The following ATP10B variants were observed in gnomAD, a reference collection of about 807,000 sequenced individuals.
The protein encoded by ATP10B is ATPase phospholipid transporting 10B (putative).
Under a neutral mutation model 141.2 loss-of-function variants are expected in ATP10B, and 122 were observed. The ratio of observed to expected loss-of-function variants is 0.86; its 90% CI spans 0.75 to 1.00. ATP10B has a LOEUF of 1.00. Ranked by LOEUF, ATP10B falls within the 50% of genes least tolerant of loss-of-function variation. ATP10B has a pLI of 0.00. For missense variants in ATP10B, 1,876 were observed against 1,825.3 expected (o/e 1.03, Z -0.51); for synonymous variants, 685 against 692.0 (o/e 0.99, Z 0.16).
At chr5:160,627,893 C>T (rs775817948) in intron 13 of ATP10B, among the ~76,000 whole-genome samples, 2 of 152,190 alleles carry the variant, frequency 1.3e-5, no homozygotes, top group African/African-American at 4.8e-5. Flanking sequence ...AGCTGCTAAT[C>T]GTTGTTGTGC....
chr5:160,911,706 T>G, the ATP10B span, among the ~76,000 whole-genome samples: 1 of 152,204 alleles, frequency 6.6e-6, no homozygotes, highest in South Asian at 2.1e-4. Flanking sequence ...ATAAAGTTTC[T>G]TTTTCAGGAG....
the ATP10B span, among the ~76,000 whole-genome samples, chr5:160,905,292 A>T: frequency 6.6e-6 from 1 of 152,210 alleles, no homozygotes; most frequent in African/African-American, 2.4e-5. Flanking sequence ...TTTAATTTAT[A>T]TTCAGCCTTG....
intron 13 of ATP10B, 57 bp from the exon 14 acceptor site, chr5:160,622,642 G>C: frequency 6.8e-7 from 1 of 1,466,248 alleles, no homozygotes; most frequent in Non-Finnish European, 9.3e-7. Flanking sequence ...CACTCCAGAA[G>C]AATCTTCACA....
intron 2 of ATP10B, among the ~76,000 whole-genome samples, chr5:160,758,880 A>G (rs1299812375): frequency 6.6e-6 from 1 of 152,156 alleles, no homozygotes; most frequent in Non-Finnish European, 1.5e-5. Context: ...GCTTTGAAGC[A>G]TTTTCACAGC....
At chr5:160,919,173 G>A in the ATP10B span, among the ~76,000 whole-genome samples, 10 of 128,952 alleles carry the variant, frequency 7.8e-5, no homozygotes, top group African/African-American at 2.5e-4. Context: ...GCAGTGAGTC[G>A]AGATCGCGCC....
intron 1 of ATP10B, among the ~76,000 whole-genome samples, chr5:160,828,123 G>A (rs1323026656): frequency 1.3e-5 from 2 of 152,082 alleles, no homozygotes; most frequent in Non-Finnish European, 2.9e-5. Context: ...GAAAACCTAG[G>A]CATTACCATT....
intron 25 of ATP10B, among the ~76,000 whole-genome samples, chr5:160,568,511 G>A (rs1241760366): frequency 6.6e-6 from 1 of 152,204 alleles, no homozygotes; most frequent in Non-Finnish European, 1.5e-5. Context: ...TCAGCGTGGT[G>A]AGATGGAGAG....
At chr5:160,865,550 CAACAAA>C in the ATP10B span, among the ~76,000 whole-genome samples, 17 of 151,934 alleles carry the variant, frequency 1.1e-4, no homozygotes, top group African/African-American at 4.1e-4. Context: ...AAATCAAATG[CAACAAA>C]AACAAAAACA....
intron 2 of ATP10B, among the ~76,000 whole-genome samples, chr5:160,753,038 A>G (rs1243821315): frequency 6.6e-6 from 1 of 152,228 alleles, no homozygotes; most frequent in East Asian, 1.9e-4. Flanking sequence ...AGAAAAATGA[A>G]AATACTGATT....
At chr5:160,740,070 C>T (rs975791895) in intron 2 of ATP10B, among the ~76,000 whole-genome samples, 4 of 152,168 alleles carry the variant, frequency 2.6e-5, no homozygotes, top group African/African-American at 9.7e-5. Context: ...CCATAGTCAC[C>T]ATAGTAATAA....
At chr5:160,925,255 G>T in the ATP10B span, among the ~76,000 whole-genome samples, 2 of 152,200 alleles carry the variant, frequency 1.3e-5, no homozygotes, top group East Asian at 3.8e-4. Flanking sequence ...TACAAGATGG[G>T]GATGATAGTC....
intron 6 of ATP10B, among the ~76,000 whole-genome samples, chr5:160,679,866 T>C (rs1763266602): frequency 6.6e-6 from 1 of 152,212 alleles, no homozygotes; most frequent in Non-Finnish European, 1.5e-5. Flanking sequence ...AAAAATTTAC[T>C]AAGCTGGATG....
intron 11 of ATP10B, among the ~76,000 whole-genome samples, chr5:160,635,790 A>T (rs1241082792): frequency 6.6e-6 from 1 of 151,980 alleles, no homozygotes; most frequent in Non-Finnish European, 1.5e-5. Flanking sequence ...CTAACTCGTG[A>T]TTTCTCTCTC....
intron 2 of ATP10B, among the ~76,000 whole-genome samples, chr5:160,761,374 C>T (rs991623915): frequency 1.3e-5 from 2 of 151,772 alleles, no homozygotes; most frequent in African/African-American, 4.8e-5. Context: ...CATCACAGGA[C>T]TCTTTGTAGA....
At chr5:160,879,582 G>A in the ATP10B span, among the ~76,000 whole-genome samples, 4 of 150,920 alleles carry the variant, frequency 2.7e-5, no homozygotes, top group African/African-American at 9.7e-5. Flanking sequence ...GCTCTCGCCT[G>A]TAATCCCACA....
chr5:160,911,557 G>A, the ATP10B span, among the ~76,000 whole-genome samples: 2 of 152,154 alleles, frequency 1.3e-5, no homozygotes, highest in Non-Finnish European at 2.9e-5. Context: ...GTTTTGGTTG[G>A]GGAGAAGAGT....
rs540456580 is a variant in ATP10B, at chr5:160,589,907, A to G, written c.3646-211T>C. On this transcript the variant is annotated intron_variant, in intron 23 of 25. Coordinates refer to ENST00000327245, the MANE Select transcript of ATP10B (RefSeq NM_025153.3). Reference sequence around the variant, plus strand: ...GAAATGGTGTTTGCAGGAGTAAGCCAAGATGGGGATTGTGAAACCATTGTG... The same window carrying G: ...GAAATGGTGTTTGCAGGAGTAAGCCGAGATGGGGATTGTGAAACCATTGTG... 5.9e-5 allele frequency among the ~76,000 whole-genome samples: 9 copies of G among 152,362 alleles called. No individual in the cohort carries two copies. In the South Asian group the frequency reaches 1.9e-3, roughly 32 times the overall value.
intron 2 of ATP10B, among the ~76,000 whole-genome samples, chr5:160,768,286 C>T (rs1187373989): frequency 6.6e-6 from 1 of 152,144 alleles, no homozygotes. Context: ...CAATTATGCT[C>T]ATTTTTTAAA....
At chr5:160,594,338 TGA>T (rs1330081184) in intron 22 of ATP10B, among the ~76,000 whole-genome samples, 4 of 152,162 alleles carry the variant, frequency 2.6e-5, no homozygotes, top group Non-Finnish European at 5.9e-5. Flanking sequence ...AGACAAATGC[TGA>T]GAGATTTTGT....
Sources: gnomAD v4.1 joint callset for allele counts (sites outside exome capture counted in the v4.1 genomes callset) on GRCh38, gnomAD v4.1.1 for gene constraint, MANE v1.5 for transcripts, NCBI Gene and HGNC (gene_info 2026-07-23, HGNC 2026-07-21) for gene names.